The following ATP10D variants were observed in gnomAD, a reference collection of about 807,000 sequenced individuals.
ATP10D encodes the protein ATPase phospholipid transporting 10D (putative).
A neutral mutation model predicts 144.8 loss-of-function variants in ATP10D; 89 were observed. The observed-to-expected ratio is 0.61, with a 90% CI of 0.52 to 0.73. The LOEUF (loss-of-function observed/expected upper bound fraction) is 0.73. ATP10D is among the 30% of genes least tolerant of loss of function. The probability of loss-of-function intolerance (pLI) is 0.00; values close to 1 mark genes in which losing one functional copy is unlikely to be tolerated. For missense variants in ATP10D, 1,603 were observed against 1,714.8 expected (o/e 0.93, Z 1.15); for synonymous variants, 571 against 615.1 (o/e 0.93, Z 1.06).
At chr4:47,572,762 G>C (rs981999338) in intron 17 of ATP10D, 110 bp from the exon 18 acceptor site, 2 of 1,359,538 alleles carry the variant, frequency 1.5e-6, no homozygotes, top group African/African-American at 2.9e-5. Context: ...GAACAAATGC[G>C]GTCAGAAGAA....
intron 5 of ATP10D, among the ~76,000 whole-genome samples, chr4:47,534,224 T>G (rs1577655928): frequency 6.6e-6 from 1 of 152,188 alleles, no homozygotes; most frequent in African/African-American, 2.4e-5. Flanking sequence ...TCATTTTGCC[T>G]GCAGAATTTA....
At chr4:47,497,726 T>C (rs1164203919) in intron 1 of ATP10D, among the ~76,000 whole-genome samples, 1 of 152,224 alleles carries the variant, frequency 6.6e-6, no homozygotes, top group Non-Finnish European at 1.5e-5. Flanking sequence ...CCTATCTATA[T>C]ATGCATGAAT....
At position 47,535,984 on chromosome 4, in the gene ATP10D, C is replaced by A; in HGVS notation, c.966C>A (p.Val322=). 6.2e-7 allele frequency: 1 copy of A among 1,613,016 alleles called. No homozygotes were observed. The highest frequency in any genetic ancestry group is 8.5e-7 in the Non-Finnish European group (1 of 1,179,242). Reference sequence around the variant, plus strand: ...TAGAAAGAAGAGCAAACACAGATGTCCTCTGGTGTGTCATGCTTCTGGTCA... The same window carrying A: ...TAGAAAGAAGAGCAAACACAGATGTACTCTGGTGTGTCATGCTTCTGGTCA... ...SKLERRANTD[V]LWCVMLLVIM... The change falls in exon 7 of 23, where the codon GTC becomes GTA. Residue 322 remains valine (V), a synonymous_variant. Transcript: ENST00000273859.
At chr4:47,527,658 T>G (rs1469384726) in intron 5 of ATP10D, among the ~76,000 whole-genome samples, 1 of 152,144 alleles carries the variant, frequency 6.6e-6, no homozygotes, top group African/African-American at 2.4e-5. Flanking sequence ...ATTTGACATA[T>G]GAATGGCAAA....
chr4:47,591,405 A>G lies in ATP10D; in HGVS notation c.*24A>G, dbSNP rs1441031078. Reference sequence around the variant, plus strand: ...AGATACCCTCCTTGGAGTTGCAAGTATTCTTTCAAGGTTGGAAGAGGGATT... The same window carrying G: ...AGATACCCTCCTTGGAGTTGCAAGTGTTCTTTCAAGGTTGGAAGAGGGATT... On this transcript the variant is annotated 3_prime_UTR_variant, in exon 23 of 23. Coordinates refer to ENST00000273859, the MANE Select transcript of ATP10D (RefSeq NM_020453.4). 12 of 1,540,158 alleles carry G rather than the reference A, an allele frequency of 7.8e-6. No homozygotes were observed. Among genetic ancestry groups the G allele is most frequent in the South Asian group, 1.2e-5 (1 of 80,478 alleles).
chr4:47,527,389 A>G (rs1015408948), intron 5 of ATP10D, among the ~76,000 whole-genome samples: 2 of 152,148 alleles, frequency 1.3e-5, no homozygotes, highest in African/African-American at 4.8e-5. Context: ...ACTTTGTATT[A>G]TGCAAAGATT....
Position 47,535,498 on chromosome 4 carries a change from C to T in ATP10D, c.777-11C>T. On this transcript the variant is annotated splice_polypyrimidine_tract_variant and intron_variant, in intron 5 of 22. Coordinates refer to ENST00000273859, the MANE Select transcript of ATP10D (RefSeq NM_020453.4). ...GTTTAAAAGTGAATTTATATGCTGTCTTTCTTATAGAGAACATTCCAACAA... is the reference window on the plus strand; with the variant it reads ...GTTTAAAAGTGAATTTATATGCTGTTTTTCTTATAGAGAACATTCCAACAA... The T allele has an allele frequency of 6.3e-7, 1 of 1,597,356 alleles. No homozygotes were observed. Among genetic ancestry groups the T allele is most frequent in the East Asian group, 2.2e-5 (1 of 44,514 alleles).
intron 15 of ATP10D, among the ~76,000 whole-genome samples, chr4:47,567,651 T>C (rs1251172637): frequency 6.6e-6 from 1 of 152,248 alleles, no homozygotes; most frequent in African/African-American, 2.4e-5. Context: ...TTTACTATGA[T>C]GTAATGAGCT....
At chr4:47,582,173 T>A in intron 21 of ATP10D, 109 bp downstream of exon 21, 1 of 883,940 alleles carries the variant, frequency 1.1e-6, no homozygotes, top group Non-Finnish European at 1.8e-6. Context: ...GAGTAATGAA[T>A]CTATGGGAGA....
rs1385157087 is a variant in ATP10D, at chr4:47,569,163, C to T, written c.3163+17C>T. ...TTGCTATTGGTGAGTGAGGATGAAT[C>T]TGAGTCCTGCTCTTCTCCCTTTCAC... On this transcript the variant is annotated intron_variant, in intron 16 of 22. Transcript: ENST00000273859. The T allele has an allele frequency of 6.2e-7, 1 of 1,605,022 alleles. No homozygotes were observed. The highest frequency in any genetic ancestry group is 2.2e-5 in the East Asian group (1 of 44,752).
chr4:47,497,813 G>A (rs956093929), intron 1 of ATP10D, among the ~76,000 whole-genome samples: 8 of 152,178 alleles, frequency 5.3e-5, no homozygotes, highest in African/African-American at 1.9e-4. Flanking sequence ...TCTTGGGTAA[G>A]TCATTCTTTC....
rs371057712 is a variant in ATP10D, at chr4:47,557,936, C to T, written c.2097C>T (p.His699=). 1.9e-5 allele frequency: 30 copies of T among 1,614,054 alleles called. No individual in the cohort carries two copies. The highest frequency in any genetic ancestry group is 1.2e-4 in the African/African-American group (9 of 74,930). Residue 699 remains histidine (H), a synonymous_variant, in exon 12 of 23, where the codon CAC becomes CAT. Transcript: ENST00000273859. ...GCTGCACAGAAACAGAGAAACAACACGGTGATGCAGGCCTCCTGAATGGCA... is the reference window on the plus strand; with the variant it reads ...GCTGCACAGAAACAGAGAAACAACATGGTGATGCAGGCCTCCTGAATGGCA... ...SACCTETEKQ[H]GDAGLLNGKA...
At chr4:47,545,293 A>G (rs959396260) in intron 9 of ATP10D, among the ~76,000 whole-genome samples, 1 of 152,230 alleles carries the variant, frequency 6.6e-6, no homozygotes, top group African/African-American at 2.4e-5. Context: ...GGCTCTGATC[A>G]TCTTGAGTTA....
intron 9 of ATP10D, among the ~76,000 whole-genome samples, chr4:47,540,105 T>TAC (rs1052470737): frequency 9.9e-5 from 15 of 152,072 alleles, no homozygotes; most frequent in Non-Finnish European, 1.6e-4. Flanking sequence ...CACATGTGTA[T>TAC]ACACACACAC....
intron 3 of ATP10D, among the ~76,000 whole-genome samples, chr4:47,519,711 G>T (rs1291504365): frequency 6.6e-6 from 1 of 152,082 alleles, no homozygotes; most frequent in African/African-American, 2.4e-5. Context: ...CACCCTTTAA[G>T]ACTCAGTTCG....
intron 16 of ATP10D, among the ~76,000 whole-genome samples, chr4:47,570,903 G>A (rs1043691895): frequency 1.3e-5 from 2 of 152,118 alleles, no homozygotes; most frequent in African/African-American, 4.8e-5. Flanking sequence ...ATTGTAGTAT[G>A]AGATTAAGAT....
rs1491534130 is a variant in ATP10D, at chr4:47,543,833, ATG to A, written c.1397-2789_1397-2788del. 5.2e-4 allele frequency among the ~76,000 whole-genome samples: 58 copies of A among 110,550 alleles called. 1 individual carries two copies. The South Asian group carries it at 0.015, about 29-fold the overall frequency. 72.5% of individuals were successfully genotyped at this position (110,550 alleles called of 152,430 possible). On this transcript the variant is annotated intron_variant, in intron 9 of 22. Coordinates refer to ENST00000273859, the MANE Select transcript of ATP10D (RefSeq NM_020453.4). ...AAGGAAATAGGTATACATATATATT[ATG>A]TACACACACACACACACATATATAT...
chr4:47,491,967 A>C (rs918989039), intron 1 of ATP10D, among the ~76,000 whole-genome samples: 4 of 152,136 alleles, frequency 2.6e-5, no homozygotes, highest in Admixed American at 2.6e-4. Flanking sequence ...TTCCCAAAGC[A>C]CTCAGCACCG....
intron 10 of ATP10D, among the ~76,000 whole-genome samples, chr4:47,550,709 G>C (rs997899299): frequency 6.6e-6 from 1 of 152,210 alleles, no homozygotes; most frequent in East Asian, 1.9e-4. Flanking sequence ...CCTGACTAGT[G>C]TTCAACTCAA....
Sources: gnomAD v4.1 joint callset for allele counts (sites outside exome capture counted in the v4.1 genomes callset) on GRCh38, gnomAD v4.1.1 for gene constraint, MANE v1.5 for transcripts, NCBI Gene and HGNC (gene_info 2026-07-23, HGNC 2026-07-21) for gene names.